STIM2: variants seen among roughly 807,000 people sequenced by gnomAD.
STIM2 encodes the protein stromal interaction molecule 2.
STIM2 carries 31 observed loss-of-function variants against 85.8 expected under a neutral mutation model. The observed-to-expected ratio is 0.36, with a 90% CI of 0.27 to 0.49. The LOEUF (loss-of-function observed/expected upper bound fraction) is 0.49. Among genes scored for constraint, STIM2 ranks in the 20% least tolerant of loss-of-function variants. STIM2 has a pLI of 0.98. For synonymous variants in STIM2, 356 were observed against 331.1 expected (o/e 1.08, Z -0.82); for missense variants, 841 against 927.6 (o/e 0.91, Z 1.21).
chr4:26,885,404 T>C (rs1017696398), intron 1 of STIM2, among the ~76,000 whole-genome samples: 3 of 152,174 alleles, frequency 2.0e-5, no homozygotes, highest in Admixed American at 6.5e-5. Context: ...TTAACCACTG[T>C]CCTTACTTTA....
chr4:27,021,730 C>G (rs1011621496), intron 11 of STIM2: 17 of 426,354 alleles, frequency 4.0e-5, no homozygotes, highest in African/African-American at 1.6e-4. Flanking sequence ...GAAGCCGTTG[C>G]AATCATTTAG....
intron 10 of STIM2, among the ~76,000 whole-genome samples, chr4:27,010,595 C>G (rs917723306): frequency 6.6e-6 from 1 of 152,186 alleles, no homozygotes; most frequent in African/African-American, 2.4e-5. Context: ...ATTTCTGGAC[C>G]TGATAAATGG....
intron 2 of STIM2, 54 bp downstream of exon 2, chr4:26,919,688 T>G (rs1331681533): frequency 3.2e-6 from 5 of 1,585,080 alleles, no homozygotes; most frequent in Non-Finnish European, 4.3e-6. Context: ...TGACTGCATT[T>G]CTGTTTCTGG....
intron 3 of STIM2, among the ~76,000 whole-genome samples, chr4:26,986,060 A>G (rs926083925): frequency 1.3e-5 from 2 of 152,218 alleles, no homozygotes; most frequent in Non-Finnish European, 2.9e-5. Flanking sequence ...CAGTGGGCGT[A>G]GTTCTAAATC....
Position 26,908,696 on chromosome 4 carries a change from C to G in STIM2, c.152-10808C>G, listed in dbSNP as rs181650035. Reference sequence around the variant, plus strand: ...ACAGAGTTTCACCATGTTGGCCAGGCTGGTGTCGAACTTCTGACCTCAAGT... The same window carrying G: ...ACAGAGTTTCACCATGTTGGCCAGGGTGGTGTCGAACTTCTGACCTCAAGT... On this transcript the variant is annotated intron_variant, in intron 1 of 11. Transcript: ENST00000467087. Among the ~76,000 whole-genome samples, 1,363 of 152,302 alleles carry G rather than the reference C, an allele frequency of 8.9e-3. 29 individuals are homozygous for G. The highest frequency in any genetic ancestry group is 0.031 in the African/African-American group (1,305 of 41,566).
chr4:26,892,629 A>C (rs948955320), intron 1 of STIM2, among the ~76,000 whole-genome samples: 1 of 152,168 alleles, frequency 6.6e-6, no homozygotes, highest in Non-Finnish European at 1.5e-5. Context: ...AGCTTAGAGT[A>C]ATTGCAGTTT....
chr4:26,975,309 G>A (rs1322076685), intron 3 of STIM2, among the ~76,000 whole-genome samples: 1 of 152,194 alleles, frequency 6.6e-6, no homozygotes, highest in Non-Finnish European at 1.5e-5. Context: ...ATCCTTTGGA[G>A]GAGAAGGGGC....
Position 27,002,486 on chromosome 4 carries a change from G to A in STIM2, c.803+92G>A, listed in dbSNP as rs1728191250. The stretch of plus-strand genomic sequence containing the variant: ...CATGTGCTTAAATACTTACATTTAG[G>A]TTATTATACACATCAGGAATAGATG... On this transcript the variant is annotated intron_variant, in intron 6 of 11. Transcript: ENST00000467087. The A allele has an allele frequency of 3.1e-6, 3 of 953,410 alleles. No individual in the cohort carries two copies. In the African/African-American group the frequency reaches 5.0e-5, roughly 16 times the overall value. The allele number at this position is 953,410 out of a possible 1,614,324, so 59.1% of individuals were successfully genotyped here.
intron 1 of STIM2, among the ~76,000 whole-genome samples, chr4:26,894,049 A>G (rs968275603): frequency 6.6e-6 from 1 of 151,984 alleles, no homozygotes; most frequent in South Asian, 2.1e-4. Flanking sequence ...CCACTGCGCC[A>G]GGCTAATTTT....
chr4:26,894,274 A>G (rs1183681285), intron 1 of STIM2, among the ~76,000 whole-genome samples: 2 of 150,538 alleles, frequency 1.3e-5, no homozygotes, highest in East Asian at 1.9e-4. Context: ...TTATGTGTGT[A>G]TATATATATA....
intron 3 of STIM2, among the ~76,000 whole-genome samples, chr4:26,966,655 T>C (rs1726731306): frequency 6.6e-6 from 1 of 152,194 alleles, no homozygotes; most frequent in Non-Finnish European, 1.5e-5. Context: ...TGAATTTGAA[T>C]ATGACCTTTG....
chr4:26,992,797 G>GT (rs1278940873), intron 3 of STIM2, among the ~76,000 whole-genome samples: 2 of 151,928 alleles, frequency 1.3e-5, no homozygotes, highest in Non-Finnish European at 2.9e-5. Flanking sequence ...AAGTGAAGGT[G>GT]TTTACTAAGT....
rs1243847164 is a variant in STIM2 at position 26,993,352 on chromosome 4, A to AC, written c.398-2027_398-2026insC. On this transcript the variant is annotated intron_variant, in intron 3 of 11. Coordinates refer to ENST00000467087, the MANE Select transcript of STIM2 (RefSeq NM_020860.4). ...TTTATGGTAGGAACACATGAAGGGG[A>AC]GAACAGTCAAGGCTTTGTTTCAATA... is the stretch of plus-strand genomic sequence containing the variant. Among the ~76,000 whole-genome samples the AC allele has an allele frequency of 2.0e-5, 3 of 152,278 alleles. No homozygotes were observed. The East Asian group carries it at 5.8e-4, about 29-fold the overall frequency.
chr4:26,897,510 T>C (rs894049921), intron 1 of STIM2, among the ~76,000 whole-genome samples: 3 of 152,208 alleles, frequency 2.0e-5, no homozygotes, highest in African/African-American at 7.2e-5. Context: ...AAAGACACAG[T>C]AGTGTAATAA....
chr4:26,903,749 G>T (rs1577427859), intron 1 of STIM2, among the ~76,000 whole-genome samples: 3 of 152,070 alleles, frequency 2.0e-5, no homozygotes, highest in Admixed American at 1.3e-4. Flanking sequence ...AAGGCAGCAG[G>T]TTATTTCTGA....
Position 26,861,276 on chromosome 4 carries a change from C to T in STIM2, c.58C>T (p.Arg20Trp), listed in dbSNP as rs1344332903. ...GGCGGACGGATGCGAGCTTGTGCCC[C>T]GGCACCTCCGCGGGCGGCGGGCGAC... The change falls in exon 1 of 12, where the codon CGG becomes TGG. Residue 20 changes from arginine (R) to tryptophan (W), a missense_variant. By Grantham distance (101) the Arg-to-Trp change is moderately radical. Transcript: ENST00000467087. 7 of 1,463,680 alleles carry T rather than the reference C, an allele frequency of 4.8e-6. No individual in the cohort carries two copies. The highest frequency in any genetic ancestry group is 5.4e-6 in the Non-Finnish European group (6 of 1,112,638). The allele number at this position is 1,463,680 out of a possible 1,614,324, so 90.7% of individuals were successfully genotyped here.
rs549176841 is a variant in STIM2 at position 26,973,228 on chromosome 4, G to A, written c.397+15502G>A. On this transcript the variant is annotated intron_variant, in intron 3 of 11. Transcript: ENST00000467087. ...ATTGATTTTTTGAAGGGTTTTTTGT[G>A]TCTATCTTTTTCAGTTCTGCTCTGA... is the stretch of plus-strand genomic sequence containing the variant. 1.4e-4 allele frequency among the ~76,000 whole-genome samples: 21 copies of A among 152,028 alleles called. No individual in the cohort carries two copies. In the South Asian group the frequency reaches 2.5e-3, roughly 18 times the overall value.
intron 1 of STIM2, among the ~76,000 whole-genome samples, chr4:26,876,476 C>G (rs1295108324): frequency 6.6e-6 from 1 of 152,172 alleles, no homozygotes; most frequent in African/African-American, 2.4e-5. Flanking sequence ...TTATCAATCT[C>G]TAGATCCCTT....
intron 4 of STIM2, among the ~76,000 whole-genome samples, chr4:26,997,307 T>C (rs1213964282): frequency 6.6e-6 from 1 of 152,216 alleles, no homozygotes; most frequent in South Asian, 2.1e-4. Flanking sequence ...ATGTTTCTTT[T>C]CTGTGACATT....
Sources: allele counts gnomAD v4.1 joint callset (sites outside exome capture counted in the v4.1 genomes callset), GRCh38; gene constraint gnomAD v4.1.1; transcripts MANE v1.5; gene names NCBI Gene and HGNC (gene_info 2026-07-23, HGNC 2026-07-21).